TRAPPC9: variants seen among roughly 807,000 people sequenced by gnomAD.
The protein encoded by TRAPPC9 is trafficking protein particle complex subunit 9.
In TRAPPC9, 83 loss-of-function variants were observed where a neutral mutation model predicts 124.0. That is an observed-to-expected ratio of 0.67 (90% CI 0.56 to 0.80). The LOEUF is 0.80. Among genes scored for constraint, TRAPPC9 ranks in the 30% least tolerant of loss-of-function variants. The pLI is 0.00. For missense variants in TRAPPC9, 1,302 were observed against 1,508.3 expected (o/e 0.86, Z 2.27); for synonymous variants, 638 against 617.5 (o/e 1.03, Z -0.49).
chr8:139,869,049 A>G (rs1180258015), intron 21 of TRAPPC9, among the ~76,000 whole-genome samples: 1 of 152,228 alleles, frequency 6.6e-6, no homozygotes, highest in Admixed American at 6.5e-5. Flanking sequence ...ATATAGAAAA[A>G]TTACAAACAC....
intron 20 of TRAPPC9, among the ~76,000 whole-genome samples, chr8:139,895,062 G>C (rs182443131): frequency 6.6e-6 from 1 of 152,150 alleles, no homozygotes; most frequent in African/African-American, 2.4e-5. Flanking sequence ...TCAACCACAC[G>C]TCCCGGGCTA....
chr8:140,335,809 C>T (rs1432957634), intron 9 of TRAPPC9, among the ~76,000 whole-genome samples: 1 of 150,072 alleles, frequency 6.7e-6, no homozygotes, highest in East Asian at 2.0e-4. Context: ...TGGGTTCAAG[C>T]GATTCTCCCG....
intron 20 of TRAPPC9, among the ~76,000 whole-genome samples, chr8:139,886,997 T>C (rs1460631183): frequency 6.6e-6 from 1 of 152,130 alleles, no homozygotes; most frequent in Non-Finnish European, 1.5e-5. Flanking sequence ...TCCTGCTGGC[T>C]CATGGGGGAG....
chr8:139,847,237 C>T (rs1346674128), intron 21 of TRAPPC9, among the ~76,000 whole-genome samples: 1 of 152,226 alleles, frequency 6.6e-6, no homozygotes, highest in Non-Finnish European at 1.5e-5. Context: ...TGATGGGAGA[C>T]AGCAAAACCA....
chr8:140,332,592 C>T (rs532854754), intron 9 of TRAPPC9, among the ~76,000 whole-genome samples: 4 of 151,948 alleles, frequency 2.6e-5, no homozygotes, highest in African/African-American at 9.7e-5. Context: ...TAAACATATA[C>T]AATTACTGTA....
chr8:140,270,035 G>C (rs1490631208), intron 15 of TRAPPC9, among the ~76,000 whole-genome samples: 1 of 152,066 alleles, frequency 6.6e-6, no homozygotes, highest in Non-Finnish European at 1.5e-5. Flanking sequence ...GGGAGGCGGA[G>C]GTTGCAGCAA....
chr8:140,142,080 T>TG (rs1368560619), intron 17 of TRAPPC9, among the ~76,000 whole-genome samples: 1 of 152,202 alleles, frequency 6.6e-6, no homozygotes, highest in Non-Finnish European at 1.5e-5. Context: ...GCATTCATGC[T>TG]GGGGCAGTCG....
chr8:139,888,705 T>C (rs1170118524), intron 20 of TRAPPC9, among the ~76,000 whole-genome samples: 1 of 152,232 alleles, frequency 6.6e-6, no homozygotes, highest in East Asian at 1.9e-4. Context: ...CTCCATCTCA[T>C]TACACACACA....
intron 5 of TRAPPC9, among the ~76,000 whole-genome samples, chr8:140,406,224 T>A (rs2069483854): frequency 1.3e-5 from 2 of 152,148 alleles, no homozygotes; most frequent in Admixed American, 1.3e-4. Context: ...CAAACCCACA[T>A]GGACAAGCAT....
At chr8:140,279,369 T>C (rs1394262421) in intron 14 of TRAPPC9, among the ~76,000 whole-genome samples, 5 of 152,224 alleles carry the variant, frequency 3.3e-5, no homozygotes, top group African/African-American at 1.2e-4. Context: ...CGTTTGTGAG[T>C]AAATTTAATG....
intron 6 of TRAPPC9, 160 bp downstream of exon 6, chr8:140,405,417 A>G (rs1296376881): frequency 1.3e-6 from 1 of 756,316 alleles, no homozygotes; most frequent in African/African-American, 1.8e-5. Flanking sequence ...TCAGAAAAAG[A>G]AAACATTTTA....
chr8:139,839,676 C>A (rs931305930), intron 21 of TRAPPC9, among the ~76,000 whole-genome samples: 4 of 152,168 alleles, frequency 2.6e-5, no homozygotes, highest in Non-Finnish European at 4.4e-5. Context: ...TGCTTGTTTC[C>A]TAGGGGCGCC....
chr8:139,822,262 G>C (rs1161591744), intron 21 of TRAPPC9, among the ~76,000 whole-genome samples: 3 of 152,178 alleles, frequency 2.0e-5, no homozygotes, highest in Non-Finnish European at 4.4e-5. Flanking sequence ...AGCAGACCTG[G>C]AAGACGGCAT....
At chr8:139,919,844 C>T (rs1477019159) in intron 19 of TRAPPC9, among the ~76,000 whole-genome samples, 3 of 152,188 alleles carry the variant, frequency 2.0e-5, no homozygotes, top group Admixed American at 6.5e-5. Context: ...CAAGGCAGCA[C>T]GGTCTCCATG....
intron 20 of TRAPPC9, among the ~76,000 whole-genome samples, chr8:139,892,301 A>T (rs1830404275): frequency 6.6e-6 from 1 of 151,994 alleles, no homozygotes. Flanking sequence ...CTCCTAGGAG[A>T]AGGTCAGGGT....
intron 19 of TRAPPC9, among the ~76,000 whole-genome samples, chr8:139,968,886 C>T (rs1032953429): frequency 6.6e-6 from 1 of 152,194 alleles, no homozygotes; most frequent in Non-Finnish European, 1.5e-5. Context: ...CTCTAACCCC[C>T]GTCTCTGCAG....
chr8:140,370,957 C>G lies in TRAPPC9; in HGVS notation c.1351+7G>C, dbSNP rs778048742. 2 of 1,613,852 alleles carry G rather than the reference C, an allele frequency of 1.2e-6. No individual in the cohort carries two copies. Among genetic ancestry groups the G allele is most frequent in the Non-Finnish European group, 1.7e-6 (2 of 1,180,010 alleles). ...ACACCTTAGCGCCAGCAAGGGGACT[C>G]CAGTACCTCTGCTGAAATCTTTGGG... is the stretch of plus-strand genomic sequence containing the variant. On this transcript the variant is annotated splice_region_variant and intron_variant, in intron 8 of 22. Transcript: ENST00000438773.
At chr8:140,049,552 C>A (rs4631439) in intron 17 of TRAPPC9, among the ~76,000 whole-genome samples, 16 of 151,398 alleles carry the variant, frequency 1.1e-4, no homozygotes, top group South Asian at 6.4e-4. Context: ...GGCTCCCCCC[C>A]CCGAGACCAC....
chr8:140,237,927 G>A (rs2063762891), intron 16 of TRAPPC9, among the ~76,000 whole-genome samples: 2 of 152,236 alleles, frequency 1.3e-5, no homozygotes, highest in Admixed American at 6.5e-5. Context: ...ACGCGGACAC[G>A]AGGAGAAGGC....
Sources: gnomAD v4.1 joint callset for allele counts (sites outside exome capture counted in the v4.1 genomes callset) on GRCh38, gnomAD v4.1.1 for gene constraint, MANE v1.5 for transcripts, NCBI Gene and HGNC (gene_info 2026-07-23, HGNC 2026-07-21) for gene names.